AFF1: variants seen among roughly 807,000 people sequenced by gnomAD.
AFF1 encodes the protein AF4/FMR2 family member 1.
Under a neutral mutation model 121.7 loss-of-function variants are expected in AFF1, and 48 were observed. The observed-to-expected ratio is 0.39, with a 90% CI of 0.31 to 0.50. The LOEUF is 0.50. Ranked by LOEUF, AFF1 falls within the 20% of genes least tolerant of loss-of-function variation. The pLI is 0.76. For missense variants in AFF1, 1,523 were observed against 1,511.7 expected (o/e 1.01, Z -0.12); for synonymous variants, 613 against 563.0 (o/e 1.09, Z -1.26).
intron 4 of AFF1, among the ~76,000 whole-genome samples, chr4:87,052,415 G>A (rs895167417): frequency 3.3e-5 from 5 of 151,856 alleles, no homozygotes; most frequent in African/African-American, 9.7e-5. Flanking sequence ...TGTCTCAACC[G>A]CTCCCTCCTC....
At chr4:87,098,678 T>G (rs1033444281) in intron 8 of AFF1, among the ~76,000 whole-genome samples, 20 of 152,360 alleles carry the variant, frequency 1.3e-4, no homozygotes, top group African/African-American at 3.8e-4. Context: ...GTGCCCTCCA[T>G]TATTTTTCTT....
intron 4 of AFF1, among the ~76,000 whole-genome samples, chr4:87,048,508 G>T (rs1051546017): frequency 1.3e-5 from 2 of 152,168 alleles, no homozygotes; most frequent in Non-Finnish European, 2.9e-5. Flanking sequence ...TTAATGTAAA[G>T]TCTATGGTTT....
chr4:87,081,545 A>T (rs1302457593), intron 4 of AFF1, among the ~76,000 whole-genome samples: 5 of 152,224 alleles, frequency 3.3e-5, no homozygotes, highest in Non-Finnish European at 5.9e-5. Context: ...TTAAATCTGC[A>T]TGCCATACCA....
chr4:87,124,388 G>C (rs999088399), intron 12 of AFF1, among the ~76,000 whole-genome samples: 7 of 152,060 alleles, frequency 4.6e-5, no homozygotes, highest in Admixed American at 1.3e-4. Flanking sequence ...TATAAAGACA[G>C]TATTAAAAAA....
At chr4:87,120,175 G>A (rs1299659476) in intron 12 of AFF1, among the ~76,000 whole-genome samples, 1 of 152,182 alleles carries the variant, frequency 6.6e-6, no homozygotes, top group Non-Finnish European at 1.5e-5. Context: ...CTTTTCTGTA[G>A]CACTCACCCC....
chr4:87,107,301 TTAATACCATC>T (rs1262510870), intron 10 of AFF1, among the ~76,000 whole-genome samples: 1 of 152,268 alleles, frequency 6.6e-6, no homozygotes, highest in East Asian at 1.9e-4. Context: ...ATTGCTTTAA[TTAATACCATC>T]TAGGGTGAAG....
intron 16 of AFF1, 96 bp downstream of exon 16, chr4:87,127,799 C>T (rs1007596757): frequency 2.2e-5 from 28 of 1,265,148 alleles, no homozygotes; most frequent in Non-Finnish European, 3.1e-5. Flanking sequence ...TATCACTCAG[C>T]GTATGTGCGG....
Position 87,115,101 on chromosome 4 carries a change from C to T in AFF1, c.2268C>T (p.Leu756=). 4 of 1,614,160 alleles carry T rather than the reference C, an allele frequency of 2.5e-6. No homozygotes were observed. The highest frequency in any genetic ancestry group is 3.4e-6 in the Non-Finnish European group (4 of 1,180,018). Residue 756 remains leucine, a synonymous_variant, in exon 12 of 21, where the codon CTC becomes CTT. Transcript: ENST00000395146. Reference sequence around the variant, plus strand: ...TGCCTTTGAGAGACACCAAGCTGCTCTCACCGCTCAGGGACACTCCTCCCC... The same window carrying T: ...TGCCTTTGAGAGACACCAAGCTGCTTTCACCGCTCAGGGACACTCCTCCCC... ...LPLPLRDTKL[L]SPLRDTPPPQ...
intron 2 of AFF1, among the ~76,000 whole-genome samples, chr4:86,977,926 CTG>C (rs1723429297): frequency 6.6e-6 from 1 of 152,114 alleles, no homozygotes; most frequent in African/African-American, 2.4e-5. Flanking sequence ...CTACTGCACA[CTG>C]TGCTGTGAGG....
chr4:87,096,747 T>C (rs1219919287), intron 8 of AFF1, among the ~76,000 whole-genome samples: 1 of 151,938 alleles, frequency 6.6e-6, no homozygotes, highest in Non-Finnish European at 1.5e-5. Flanking sequence ...CCTTTTCTTT[T>C]TTTCCTTTTT....
chr4:87,093,209 C>A (rs1472955860), intron 7 of AFF1, among the ~76,000 whole-genome samples: 1 of 152,140 alleles, frequency 6.6e-6, no homozygotes, highest in East Asian at 1.9e-4. Flanking sequence ...GAGAAATTGT[C>A]CAACATTGGT....
At position 87,069,513 on chromosome 4, in the gene AFF1, C is replaced by CCTCTCCCCTCCTCTTT. The variant is rs749318844; in HGVS notation, c.1060-14581_1060-14566dup. 4.6e-3 allele frequency among the ~76,000 whole-genome samples: 568 copies of CCTCTCCCCTCCTCTTT among 122,440 alleles called. 4 individuals carry two copies. The highest frequency in any genetic ancestry group is 0.015 in the African/African-American group (341 of 22,148). 80.3% of individuals were successfully genotyped at this position (122,440 alleles called of 152,430 possible). A position where few individuals can be genotyped will look rare whatever the true frequency, so the allele number is the denominator to read the frequency against. On this transcript the variant is annotated intron_variant, in intron 4 of 20. Transcript: ENST00000395146. Reference sequence around the variant, plus strand: ...TCTTTCCTCTCTCCATCTTTTCTCTCCTCTCCCCTCCTCTTTCTCTCCCCT... The same window carrying CCTCTCCCCTCCTCTTT: ...TCTTTCCTCTCTCCATCTTTTCTCTCCTCTCCCCTCCTCTTTCTCTCCCCTCCTCTTTCTCTCCCCT...
At chr4:86,949,744 C>T (rs1030074810) in intron 2 of AFF1, 1 of 1,608,748 alleles carries the variant, frequency 6.2e-7, no homozygotes, top group Non-Finnish European at 8.5e-7. Flanking sequence ...GGTGCTTGCC[C>T]TTGGCCCAGA....
At chr4:87,127,512 T>C in intron 15 of AFF1, 131 bp from the exon 16 acceptor site, 1 of 798,012 alleles carries the variant, frequency 1.3e-6, no homozygotes, top group Admixed American at 2.5e-5. Context: ...TTATTTCCAC[T>C]TCTCCTTCTT....
At chr4:87,007,204 A>C (rs1178871803) in intron 2 of AFF1, 4 of 1,427,216 alleles carry the variant, frequency 2.8e-6, no homozygotes, top group South Asian at 1.5e-5. Flanking sequence ...GTCCATCAGG[A>C]TTAGCGCGAG....
intron 1 of AFF1, among the ~76,000 whole-genome samples, chr4:86,939,428 CT>C (rs1720294810): frequency 6.6e-6 from 1 of 152,158 alleles, no homozygotes; most frequent in African/African-American, 2.4e-5. Context: ...GTAATTCTTT[CT>C]GATCACTATG....
Position 87,047,528 on chromosome 4 carries a change from A to C in AFF1, c.993A>C (p.Lys331Asn), listed in dbSNP as rs748144154. Residue 331 changes from lysine to asparagine, a missense_variant, in exon 4 of 21, where the codon AAA (lysine) becomes AAC (asparagine). By Grantham distance (94) the Lys-to-Asn change is moderately conservative. This residue lies in a region of AFF1 where 905 missense variants were observed against 842.5 expected (regional missense o/e 1.07). Transcript: ENST00000395146. ...PEDYRQQTFE[K>N]TDLKVPAKAK... ...ACTATCGACAGCAGACCTTTGAAAAAACAGACTTGAAAGTGCCTGCCAAAG... is the reference window on the plus strand; with the variant it reads ...ACTATCGACAGCAGACCTTTGAAAACACAGACTTGAAAGTGCCTGCCAAAG... The C allele has an allele frequency of 6.2e-7, 1 of 1,614,210 alleles. No individual in the cohort carries two copies. Among genetic ancestry groups the C allele is most frequent in the Non-Finnish European group, 8.5e-7 (1 of 1,180,050 alleles).
At position 87,115,064 on chromosome 4, in the gene AFF1, A is replaced by G. The variant is rs756161029; in HGVS notation, c.2231A>G (p.Asp744Gly). 2.5e-6 allele frequency: 4 copies of G among 1,614,130 alleles called. No homozygotes were observed. Among genetic ancestry groups the G allele is most frequent in the Non-Finnish European group, 2.5e-6 (3 of 1,180,028 alleles). ...AVVVQEDSRK[D>G]RLPLPLRDTK... ...GTGGTCCAGGAGGACAGCCGCAAAG[A>G]CAGACTCCCATTGCCTTTGAGAGAC... Residue 744 changes from aspartate to glycine, a missense_variant, in exon 12 of 21, where the codon GAC becomes GGC. By Grantham distance (94) the Asp-to-Gly change is moderately conservative. Around this residue, in one of 5 missense-constraint regions of AFF1, gnomAD observed 905 missense variants for 842.5 expected, o/e 1.07. Coordinates refer to ENST00000395146, the MANE Select transcript of AFF1 (RefSeq NM_001166693.3).
intron 8 of AFF1, among the ~76,000 whole-genome samples, chr4:87,103,443 G>GAA (rs1037023404): frequency 8.5e-5 from 13 of 152,222 alleles, no homozygotes; most frequent in African/African-American, 3.1e-4. Context: ...TGAGGGAGGA[G>GAA]AGGTTTTGTT....
Sources: allele counts gnomAD v4.1 joint callset (sites outside exome capture counted in the v4.1 genomes callset), GRCh38; gene constraint gnomAD v4.1.1; regional missense constraint gnomAD v4.1.1; transcripts MANE v1.5; gene names NCBI Gene and HGNC (gene_info 2026-07-23, HGNC 2026-07-21).